The following CCDC40 variants were observed in gnomAD, a reference collection of about 807,000 sequenced individuals.
The protein encoded by CCDC40 is coiled-coil domain-containing protein 40.
In CCDC40, 104 loss-of-function variants were observed where a neutral mutation model predicts 124.5. The observed-to-expected ratio is 0.84, with a 90% CI of 0.71 to 0.98. CCDC40 has a LOEUF of 0.98. Among genes scored for constraint, CCDC40 ranks in the 50% least tolerant of loss-of-function variants. CCDC40 has a pLI of 0.00. For missense variants in CCDC40, 1,463 were observed against 1,503.9 expected, an observed-to-expected ratio of 0.97 and a Z score of 0.45; for synonymous variants, 580 against 602.9, an observed-to-expected ratio of 0.96 and a Z score of 0.56.
At chr17:80,076,674 A>G (rs1230833646) in intron 10 of CCDC40, among the ~76,000 whole-genome samples, 1 of 148,688 alleles carries the variant, frequency 6.7e-6, no homozygotes, top group Non-Finnish European at 1.5e-5. Flanking sequence ...AAGACCCTCT[A>G]CCAGCATACT....
At chr17:80,054,389 A>G (rs1444360430) in intron 7 of CCDC40, among the ~76,000 whole-genome samples, 1 of 152,222 alleles carries the variant, frequency 6.6e-6, no homozygotes, top group Non-Finnish European at 1.5e-5. Context: ...GGAAGATGTT[A>G]TGGAAGGCTT....
In CCDC40 at chr17:80,066,299, T is replaced by A. The variant is rs8076374; in HGVS notation, c.1562+693T>A. ...GAAAGGCTGGACCAAGGAATGAGGG[T>A]CTGGCTGGCCCCACAGCACCCGCAG... is the stretch of plus-strand genomic sequence containing the variant. On this transcript the variant is annotated intron_variant, in intron 10 of 19. Transcript: ENST00000397545. This position sits in a 1 kb window ranked among gnomAD's most constrained non-coding sequence, Gnocchi z 4.4. 16,384 of 619,232 alleles carry A rather than the reference T, an allele frequency of 0.026. 1,888 individuals are homozygous for A. Among genetic ancestry groups the A allele is most frequent in the African/African-American group, 0.26 (13,963 of 53,956 alleles). The allele number at this position is 619,232 out of a possible 1,614,324, so 38.4% of individuals were successfully genotyped here. A position where few individuals can be genotyped will look rare whatever the true frequency, so the allele number is the denominator to read the frequency against.
At chr17:80,078,192 G>A (rs1314663919) in intron 10 of CCDC40, among the ~76,000 whole-genome samples, 7 of 151,890 alleles carry the variant, frequency 4.6e-5, no homozygotes, top group African/African-American at 1.5e-4. Flanking sequence ...TTAGCCGGGC[G>A]TGGTGGCGGG....
intron 16 of CCDC40, 135 bp downstream of exon 16, chr17:80,088,237 G>A: frequency 1.4e-6 from 1 of 726,164 alleles, no homozygotes; most frequent in Non-Finnish European, 2.5e-6. Flanking sequence ...ATTTTTTGTT[G>A]TTGTTTTGTT....
At chr17:80,039,772 T>C in intron 2 of CCDC40, 40 bp from the exon 3 acceptor site, 1 of 1,607,816 alleles carries the variant, frequency 6.2e-7, no homozygotes, top group Non-Finnish European at 8.5e-7. Flanking sequence ...AGGTCCTTTA[T>C]ACTTTGTTTC....
chr17:80,093,266 C>T (rs1386201007), intron 17 of CCDC40, among the ~76,000 whole-genome samples: 1 of 152,250 alleles, frequency 6.6e-6, no homozygotes, highest in African/African-American at 2.4e-5. Context: ...GCTGCAACTT[C>T]CACCTCCTGG....
chr17:80,059,769 A>C (rs1184170002), intron 9 of CCDC40, among the ~76,000 whole-genome samples: 2 of 152,112 alleles, frequency 1.3e-5, no homozygotes, highest in Non-Finnish European at 1.5e-5. Context: ...CATGTTGGCC[A>C]GGTTGGTCTC....
At chr17:80,053,718 A>G (rs1380767627) in intron 7 of CCDC40, among the ~76,000 whole-genome samples, 1 of 152,208 alleles carries the variant, frequency 6.6e-6, no homozygotes, top group Non-Finnish European at 1.5e-5. Flanking sequence ...TCAGCCTCCC[A>G]AGTAGCTGGG....
At chr17:80,078,280 A>G (rs1009698215) in intron 10 of CCDC40, among the ~76,000 whole-genome samples, 7 of 151,334 alleles carry the variant, frequency 4.6e-5, no homozygotes, top group Non-Finnish European at 1.0e-4. Flanking sequence ...GCAGGGAGCC[A>G]AGATCACGCC....
Position 80,081,928 on chromosome 17 carries a change from G to A in CCDC40, c.1859G>A (p.Gly620Asp), listed in dbSNP as rs1325923533. Reference protein sequence around the residue: ...ELQAIRQAIQGELELRRKTDA... With the variant: ...ELQAIRQAIQDELELRRKTDA... ...CAGGCCATCCGCCAAGCCATCCAGG[G>A]CGAGCTGGAGCTCAGGAGGAAGACG... Residue 620 changes from glycine (G) to aspartate (D), a missense_variant, in exon 12 of 20, where the codon GGC (glycine) becomes GAC (aspartate). Coordinates refer to ENST00000397545, the MANE Select transcript of CCDC40 (RefSeq NM_017950.4). The A allele has an allele frequency of 4.3e-6, 7 of 1,613,950 alleles. No individual in the cohort carries two copies. Among genetic ancestry groups the A allele is most frequent in the Non-Finnish European group, 5.9e-6 (7 of 1,179,938 alleles).
Position 80,050,159 on chromosome 17 carries a change from G to A in CCDC40, c.1035G>A (p.Leu345=), listed in dbSNP as rs777558073. 1.9e-6 allele frequency: 3 copies of A among 1,613,706 alleles called. No homozygotes were observed. Among genetic ancestry groups the A allele is most frequent in the Admixed American group, 3.3e-5 (2 of 60,020 alleles). Reference sequence around the variant, plus strand: ...ACCTGGTACACCTGCAGAAGCTGCTGGAGAAGAGTCACGACCGCCACGCAA... The same window carrying A: ...ACCTGGTACACCTGCAGAAGCTGCTAGAGAAGAGTCACGACCGCCACGCAA... The part of the protein sequence containing the change: ...QQHLVHLQKL[L]EKSHDRHAMA... The change falls in exon 7 of 20, where the codon CTG becomes CTA. Residue 345 remains leucine (L), a synonymous_variant. Transcript: ENST00000397545.
At chr17:80,057,617 C>T (rs1568683990) in intron 7 of CCDC40, among the ~76,000 whole-genome samples, 1 of 152,096 alleles carries the variant, frequency 6.6e-6, no homozygotes, top group East Asian at 2.0e-4. Flanking sequence ...TGGCTCATGC[C>T]TGTAATCCCA....
At chr17:80,039,551 A>C (rs1275813139) in intron 2 of CCDC40, among the ~76,000 whole-genome samples, 7 of 151,666 alleles carry the variant, frequency 4.6e-5, no homozygotes, top group African/African-American at 1.7e-4. Context: ...AGCTGGGATT[A>C]CAGGTGTGCA....
chr17:80,052,762 T>C (rs2037634177), intron 7 of CCDC40, among the ~76,000 whole-genome samples: 1 of 152,004 alleles, frequency 6.6e-6, no homozygotes, highest in Non-Finnish European at 1.5e-5. Context: ...AACAAAGTGT[T>C]AGGAAGAGGG....
intron 7 of CCDC40, among the ~76,000 whole-genome samples, chr17:80,051,490 G>A (rs1446336290): frequency 9.3e-5 from 14 of 150,564 alleles, no homozygotes; most frequent in African/African-American, 2.9e-4. Context: ...TTAGCCGGGC[G>A]TAGTGGCGGG....
rs2038576604 is a variant in CCDC40 at position 80,085,896 on chromosome 17, C to A, written c.2236-107C>A. On this transcript the variant is annotated intron_variant, in intron 13 of 19. Coordinates refer to ENST00000397545, the MANE Select transcript of CCDC40 (RefSeq NM_017950.4). ...TGTTGGCCAGGCTGGTCTTGAACTC[C>A]TGACCTCGGGTGATCCACCCGCCTC... 2.9e-6 allele frequency: 3 copies of A among 1,024,680 alleles called. No homozygotes were observed. In the South Asian group the frequency reaches 3.8e-5, roughly 13 times the overall value. The allele number at this position is 1,024,680 out of a possible 1,614,324, so 63.5% of individuals were successfully genotyped here. A position where few individuals can be genotyped will look rare whatever the true frequency, so the allele number is the denominator to read the frequency against.
At chr17:80,052,777 G>A (rs1383958419) in intron 7 of CCDC40, among the ~76,000 whole-genome samples, 1 of 152,102 alleles carries the variant, frequency 6.6e-6, no homozygotes, top group Non-Finnish European at 1.5e-5. Context: ...AGAGGGGTAC[G>A]TGAAATTTAA....
intron 3 of CCDC40, among the ~76,000 whole-genome samples, chr17:80,041,366 GA>G (rs1318542685): frequency 6.6e-6 from 1 of 152,142 alleles, no homozygotes; most frequent in Non-Finnish European, 1.5e-5. Flanking sequence ...AAATTAGCTG[GA>G]CGTGGTGGTG....
chr17:80,049,882 A>G, intron 5 of CCDC40, 24 bp from the exon 6 acceptor site: 1 of 1,606,542 alleles, frequency 6.2e-7, no homozygotes, highest in South Asian at 1.1e-5. Context: ...AAAGGTAACC[A>G]CCTGTGGTTT....
Sources: allele counts gnomAD v4.1 joint callset (sites outside exome capture counted in the v4.1 genomes callset), GRCh38; gene constraint gnomAD v4.1.1; non-coding constraint Gnocchi (gnomAD v3.1); transcripts MANE v1.5; gene names NCBI Gene and HGNC (gene_info 2026-07-23, HGNC 2026-07-21).